CCDC66: variants seen among roughly 807,000 people sequenced by gnomAD.
The protein encoded by CCDC66 is coiled-coil domain-containing protein 66.
In CCDC66, 133 loss-of-function variants were observed where a neutral mutation model predicts 128.3. That is an observed-to-expected ratio of 1.04 (90% CI 0.90 to 1.20). The LOEUF (loss-of-function observed/expected upper bound fraction) is 1.20, where lower values mean the gene tolerates loss of function less well. CCDC66 is among the 50% of genes most tolerant of loss of function. The probability of loss-of-function intolerance (pLI) is 0.00; values close to 1 mark genes in which losing one functional copy is unlikely to be tolerated. For synonymous variants in CCDC66, 387 were observed against 357.0 expected, an observed-to-expected ratio of 1.08 and a Z score of -0.95; for missense variants, 1,126 against 1,075.5, an observed-to-expected ratio of 1.05 and a Z score of -0.66.
chr3:56,578,254 A>C (rs1041638160), intron 7 of CCDC66, among the ~76,000 whole-genome samples: 19 of 151,702 alleles, frequency 1.3e-4, no homozygotes, highest in Non-Finnish European at 8.8e-5. Context: ...TTGCACATTG[A>C]TTTTGTATCC....
chr3:56,562,678 G>A (rs982839924), intron 3 of CCDC66, among the ~76,000 whole-genome samples: 6 of 152,030 alleles, frequency 3.9e-5, no homozygotes, highest in Non-Finnish European at 8.8e-5. Context: ...CGTTGTTGTT[G>A]CCCAGGCTGG....
Position 56,566,971 on chromosome 3 carries a change from T to A in CCDC66, c.732T>A (p.Ala244=). The A allele has an allele frequency of 6.2e-7, 1 of 1,613,866 alleles. No homozygotes were observed. The highest frequency in any genetic ancestry group is 8.5e-7 in the Non-Finnish European group (1 of 1,179,852). The change falls in exon 6 of 18, where the codon GCT becomes GCA. Residue 244 remains alanine, a synonymous_variant. Transcript: ENST00000394672. The part of the protein sequence containing the change: ...KIAIENEWKP[A]DIFSTLGERE... Reference sequence around the variant, plus strand: ...TTAGAGAGAATGAATGGAAACCAGCTGATATATTCAGTACTCTGGGGGAAA... The same window carrying A: ...TTAGAGAGAATGAATGGAAACCAGCAGATATATTCAGTACTCTGGGGGAAA...
intron 9 of CCDC66, 89 bp from the exon 10 acceptor site, chr3:56,593,855 A>G: frequency 6.3e-7 from 1 of 1,580,376 alleles, no homozygotes; most frequent in African/African-American, 1.4e-5. Flanking sequence ...AATAGAAATA[A>G]TTAGTAGATT....
intron 10 of CCDC66, among the ~76,000 whole-genome samples, chr3:56,595,937 CAG>C: frequency 6.6e-6 from 1 of 152,302 alleles, no homozygotes; most frequent in East Asian, 1.9e-4. Flanking sequence ...GTTTTTGAGA[CAG>C]GGTCTTGCTC....
intron 10 of CCDC66, among the ~76,000 whole-genome samples, chr3:56,605,569 T>A (rs1214042127): frequency 1.3e-5 from 2 of 152,024 alleles, no homozygotes; most frequent in Middle Eastern, 3.2e-3. Context: ...GTCCATTCCA[T>A]ATCCTGTTTG....
At chr3:56,569,416 A>G (rs1179830183) in intron 6 of CCDC66, 3 of 253,474 alleles carry the variant, frequency 1.2e-5, no homozygotes, top group Non-Finnish European at 2.5e-5. Context: ...CAGGCATTTT[A>G]CATGGCAAGA....
rs758460186 is a variant in CCDC66, at chr3:56,592,924, G to A, written c.937-46G>A. 3.1e-6 allele frequency: 5 copies of A among 1,589,472 alleles called. No homozygotes were observed. The Admixed American group carries it at 9.4e-5, about 30-fold the overall frequency. On this transcript the variant is annotated intron_variant, in intron 7 of 17. Transcript: ENST00000394672. ...AAGATTTGCACATATTAAGTGATTA[G>A]AAAAAGAGAACTGAACTTTAGATGG...
In CCDC66 at chr3:56,567,072, TTTA is replaced by T. The variant is rs749694429; in HGVS notation, c.814+24_814+26del. The T allele has an allele frequency of 4.9e-5, 75 of 1,545,336 alleles. No homozygotes were observed. Among genetic ancestry groups the T allele is most frequent in the Non-Finnish European group, 6.5e-5 (73 of 1,118,278 alleles). On this transcript the variant is annotated intron_variant, in intron 6 of 17. Coordinates refer to ENST00000394672, the MANE Select transcript of CCDC66 (RefSeq NM_001141947.3). ...GAGCTAGGTAGGTAACTTTTATACC[TTTA>T]TTATAGTTTTATTGGCTTAAAGAAT...
At position 56,621,593 on chromosome 3, in the gene CCDC66, AAG is replaced by A. The variant is rs570037412; in HGVS notation, c.2827_2828del (p.Ser943PhefsTer16). On this transcript the variant is annotated frameshift_variant, in exon 18 of 18. Transcript: ENST00000394672. LOFTEE classifies it high-confidence loss of function. Reference sequence around the variant, plus strand: ...CTCCTGCCTTTAGCTGAAAATCAAGAAGAGAGTTTTGGTTCTTCATTTTAAAT... The same window carrying A: ...CTCCTGCCTTTAGCTGAAAATCAAGAAGAGTTTTGGTTCTTCATTTTAAAT... 1.9e-6 allele frequency: 3 copies of A among 1,599,666 alleles called. No homozygotes were observed. The highest frequency in any genetic ancestry group is 1.7e-4 in the Middle Eastern group (1 of 6,028).
At chr3:56,565,030 G>T in intron 4 of CCDC66, 1 of 213,912 alleles carries the variant, frequency 4.7e-6, no homozygotes. Context: ...AGACTTTCAT[G>T]ATTTCTTTCT....
At chr3:56,583,244 C>T (rs1380086344) in intron 7 of CCDC66, among the ~76,000 whole-genome samples, 1 of 151,842 alleles carries the variant, frequency 6.6e-6, no homozygotes, top group East Asian at 2.0e-4. Context: ...GAAGACATTT[C>T]TATCATGTCA....
intron 7 of CCDC66, among the ~76,000 whole-genome samples, chr3:56,573,490 G>A (rs2066911118): frequency 6.6e-6 from 1 of 152,170 alleles, no homozygotes. Context: ...AGCATAGAAG[G>A]AGTCATGAAT....
intron 7 of CCDC66, among the ~76,000 whole-genome samples, chr3:56,582,046 G>A (rs2068475675): frequency 6.6e-6 from 1 of 151,914 alleles, no homozygotes; most frequent in South Asian, 2.1e-4. Context: ...GCCTCCTTGA[G>A]CTGCGGTGGG....
intron 3 of CCDC66, among the ~76,000 whole-genome samples, chr3:56,562,128 C>T (rs1424930457): frequency 6.6e-6 from 1 of 151,822 alleles, no homozygotes; most frequent in African/African-American, 2.4e-5. Flanking sequence ...GCAGCCTCGA[C>T]CTCCTGGGCT....
Position 56,558,911 on chromosome 3 carries a change from G to GT in CCDC66, c.76+2dup. 2.6e-6 allele frequency: 4 copies of GT among 1,536,540 alleles called. No individual in the cohort carries two copies. Among genetic ancestry groups the GT allele is most frequent in the Non-Finnish European group, 3.5e-6 (4 of 1,137,480 alleles). ...ACCAAGCTAATATTGTCTCCATATG[G>GT]TATGTTGTGTTACAGAAATCTGAAA... On this transcript the variant is annotated splice_donor_variant, in intron 2 of 17. Coordinates refer to ENST00000394672, the MANE Select transcript of CCDC66 (RefSeq NM_001141947.3). LOFTEE classifies it high-confidence loss of function.
At position 56,613,747 on chromosome 3, in the gene CCDC66, G is replaced by A; in HGVS notation, c.1563G>A (p.Lys521=). 1 of 1,603,738 alleles carries A rather than the reference G, an allele frequency of 6.2e-7. No homozygotes were observed. The highest frequency in any genetic ancestry group is 8.5e-7 in the Non-Finnish European group (1 of 1,176,096). Residue 521 remains lysine (K), a synonymous_variant, in exon 11 of 18, where the codon AAG becomes AAA. Coordinates refer to ENST00000394672, the MANE Select transcript of CCDC66 (RefSeq NM_001141947.3). The part of the protein sequence containing the change: ...YEEDILKQKQ[K]EEIMTLKTNE... ...AAGACATACTTAAGCAAAAACAAAAGGAAGTAGGTACTTACATTCTAATTG... is the reference window on the plus strand; with the variant it reads ...AAGACATACTTAAGCAAAAACAAAAAGAAGTAGGTACTTACATTCTAATTG...
At position 56,593,652 on chromosome 3, in the gene CCDC66, T is replaced by G. The variant is rs757878885; in HGVS notation, c.1230T>G (p.Pro410=). 3 of 1,614,192 alleles carry G rather than the reference T, an allele frequency of 1.9e-6. No individual in the cohort carries two copies. The highest frequency in any genetic ancestry group is 2.5e-6 in the Non-Finnish European group (3 of 1,180,034). The part of the protein sequence containing the change: ...ELADVSSVCT[P]TTGSQVEPSE... ...CTGATGTCAGCAGTGTTTGTACACC[T>G]ACAACCGGAAGCCAGGTTGAACCTT... The change falls in exon 9 of 18, where the codon CCT becomes CCG. Residue 410 remains proline, a synonymous_variant. Coordinates refer to ENST00000394672, the MANE Select transcript of CCDC66 (RefSeq NM_001141947.3).
At chr3:56,566,825 C>T in intron 5 of CCDC66, 66 bp downstream of exon 5, 1 of 1,523,172 alleles carries the variant, frequency 6.6e-7, no homozygotes, top group Non-Finnish European at 9.0e-7. Flanking sequence ...TTTTCCTTTA[C>T]TTGCATGTGA....
At chr3:56,614,328 C>CT (rs1210573919) in intron 11 of CCDC66, among the ~76,000 whole-genome samples, 1 of 152,046 alleles carries the variant, frequency 6.6e-6, no homozygotes, top group Non-Finnish European at 1.5e-5. Context: ...TTATCTACTC[C>CT]TAGTTTTTTT....
Sources: allele counts gnomAD v4.1 joint callset (sites outside exome capture counted in the v4.1 genomes callset), GRCh38; gene constraint gnomAD v4.1.1; transcripts MANE v1.5; gene names NCBI Gene and HGNC (gene_info 2026-07-23, HGNC 2026-07-21).